Variants in NEK1 observed in about 807,000 individuals in gnomAD.
NEK1 encodes the protein NIMA related kinase 1.
Under a neutral mutation model 182.1 loss-of-function variants are expected in NEK1, and 137 were observed. The ratio of observed to expected loss-of-function variants is 0.75; its 90% CI spans 0.65 to 0.87. The LOEUF (loss-of-function observed/expected upper bound fraction) is 0.87, where lower values mean the gene tolerates loss of function less well. Among genes scored for constraint, NEK1 ranks in the 40% least tolerant of loss-of-function variants. The pLI, the probability that NEK1 is intolerant of heterozygous loss-of-function variation, is 0.00. For missense variants in NEK1, 1,391 were observed against 1,494.4 expected, an observed-to-expected ratio of 0.93 and a Z score of 1.14; for synonymous variants, 513 against 492.2, an observed-to-expected ratio of 1.04 and a Z score of -0.56.
At chr4:169,505,846 G>A (rs1405268139) in intron 23 of NEK1, among the ~76,000 whole-genome samples, 1 of 151,842 alleles carries the variant, frequency 6.6e-6, no homozygotes, top group African/African-American at 2.4e-5. Context: ...GCAATATTCT[G>A]TTAGGAAAAA....
chr4:169,569,242 T>G (rs1035620284), intron 12 of NEK1, among the ~76,000 whole-genome samples: 1 of 152,206 alleles, frequency 6.6e-6, no homozygotes, highest in Non-Finnish European at 1.5e-5. Context: ...TCCTTTTCAT[T>G]ACCTCAACCT....
rs577283128 is a variant in NEK1 at position 169,562,003 on chromosome 4, A to T, written c.1081-112T>A. On this transcript the variant is annotated intron_variant, in intron 13 of 35. Transcript: ENST00000507142. ...GTATGTTCAATGAGGTTTTTTTTTT[A>T]AAAAAAAAAAGAAGTTATAGGTATT... 4.5e-4 allele frequency: 424 copies of T among 950,902 alleles called. 1 individual carries two copies. The highest frequency in any genetic ancestry group is 1.0e-3 in the Middle Eastern group (3 of 2,894). 58.9% of individuals were successfully genotyped at this position (950,902 alleles called of 1,614,324 possible). A position where few individuals can be genotyped will look rare whatever the true frequency, so the allele number is the denominator to read the frequency against.
intron 26 of NEK1, among the ~76,000 whole-genome samples, chr4:169,468,272 C>T (rs1745297873): frequency 6.6e-6 from 1 of 151,440 alleles, no homozygotes; most frequent in Non-Finnish European, 1.5e-5. Context: ...AGAACAGGAA[C>T]ATTTAATCTA....
intron 5 of NEK1, among the ~76,000 whole-genome samples, chr4:169,594,902 C>G (rs1769177419): frequency 6.6e-6 from 1 of 152,182 alleles, no homozygotes; most frequent in African/African-American, 2.4e-5. Flanking sequence ...AAACATTCAT[C>G]AAGCCCTTAT....
At chr4:169,439,107 G>A (rs1407981640) in intron 27 of NEK1, among the ~76,000 whole-genome samples, 1 of 152,114 alleles carries the variant, frequency 6.6e-6, no homozygotes, top group African/African-American at 2.4e-5. Flanking sequence ...CCATAATATA[G>A]TCATTCTCTT....
intron 32 of NEK1, among the ~76,000 whole-genome samples, chr4:169,405,627 T>A (rs1732457450): frequency 6.6e-6 from 1 of 152,126 alleles, no homozygotes; most frequent in Non-Finnish European, 1.5e-5. Context: ...GCCAGTGCAC[T>A]CCAGCTTATT....
rs1204569422 is a variant in NEK1 at position 169,426,063 on chromosome 4, T to C, written c.2974+83A>G. 3 of 982,616 alleles carry C rather than the reference T, an allele frequency of 3.1e-6. No homozygotes were observed. In the African/African-American group the frequency reaches 4.8e-5, roughly 16 times the overall value. The allele number at this position is 982,616 out of a possible 1,614,324, so 60.9% of individuals were successfully genotyped here. A position where few individuals can be genotyped will look rare whatever the true frequency, so the allele number is the denominator to read the frequency against. ...CTGATAAGGAATGCTTTCTTATTTATATATTACCCAAATAAAACAGGTTGA... is the reference window on the plus strand; with the variant it reads ...CTGATAAGGAATGCTTTCTTATTTACATATTACCCAAATAAAACAGGTTGA... On this transcript the variant is annotated intron_variant, in intron 30 of 35. Transcript: ENST00000507142.
At position 169,599,110 on chromosome 4, in the gene NEK1, T is replaced by C; in HGVS notation, c.302A>G (p.Gln101Arg). The C allele has an allele frequency of 1.9e-6, 3 of 1,612,990 alleles. No individual in the cohort carries two copies. In the East Asian group the frequency reaches 6.7e-5, roughly 36 times the overall value. ...RINAQKGVLF[Q>R]EDQILDWFVQ... ...TAAATGCAAACTTACCTGATCCTCTTGAAACAAAACGCCTTTCTGAGCATT... is the reference window on the plus strand; with the variant it reads ...TAAATGCAAACTTACCTGATCCTCTCGAAACAAAACGCCTTTCTGAGCATT... Residue 101 changes from glutamine (Q) to arginine (R), a missense_variant, in exon 5 of 36, where the codon CAA becomes CGA. Physicochemically the swap from Gln to Arg is conservative, Grantham distance 43 (BLOSUM62 1). Coordinates refer to ENST00000507142, the MANE Select transcript of NEK1 (RefSeq NM_001199397.3).
At chr4:169,535,013 C>T (rs1195900090) in intron 19 of NEK1, among the ~76,000 whole-genome samples, 1 of 152,104 alleles carries the variant, frequency 6.6e-6, no homozygotes, top group East Asian at 1.9e-4. Flanking sequence ...TCCAAATCAA[C>T]TTTAACATAA....
chr4:169,412,223 C>T (rs768941663), intron 31 of NEK1, among the ~76,000 whole-genome samples: 15 of 152,146 alleles, frequency 9.9e-5, no homozygotes, highest in South Asian at 2.1e-4. Context: ...ACAAATTCAT[C>T]CTGTATCCAC....
At position 169,496,861 on chromosome 4, in the gene NEK1, TTC is replaced by T. The variant is rs1751409483; in HGVS notation, c.2007+10174_2007+10175del. Among the ~76,000 whole-genome samples, 2 of 152,316 alleles carry T rather than the reference TTC, an allele frequency of 1.3e-5. 1 individual carries two copies. The highest frequency in any genetic ancestry group is 3.9e-4 in the East Asian group (2 of 5,190). ...GTTCATCAGGGATATTGGTCTAAAA[TTC>T]TCTTTTTTTGTTGTGTCTCTGCCAG... is the stretch of plus-strand genomic sequence containing the variant. On this transcript the variant is annotated intron_variant, in intron 23 of 35. Coordinates refer to ENST00000507142, the MANE Select transcript of NEK1 (RefSeq NM_001199397.3).
At chr4:169,569,737 G>A (rs891573496) in intron 12 of NEK1, among the ~76,000 whole-genome samples, 2 of 151,764 alleles carry the variant, frequency 1.3e-5, no homozygotes, top group African/African-American at 2.4e-5. Context: ...CGAGTGATCC[G>A]CCAGCCTCGG....
chr4:169,600,890 G>A (rs902841061), intron 4 of NEK1, among the ~76,000 whole-genome samples: 13 of 152,152 alleles, frequency 8.5e-5, no homozygotes, highest in Non-Finnish European at 1.8e-4. Context: ...TCACACAGAT[G>A]TTTCTATGTG....
intron 35 of NEK1, 76 bp from the exon 36 acceptor site, chr4:169,394,599 A>G (rs1195254975): frequency 3.6e-6 from 3 of 832,738 alleles, no homozygotes; most frequent in Non-Finnish European, 5.7e-6. Flanking sequence ...ATTCTTGTTC[A>G]TGCTAAAGGA....
chr4:169,570,941 G>A (rs1478251213), intron 12 of NEK1, among the ~76,000 whole-genome samples: 18 of 152,082 alleles, frequency 1.2e-4, no homozygotes, highest in African/African-American at 4.3e-4. Context: ...GATTAAGGGC[G>A]GTGCAAGATG....
At chr4:169,572,749 CAAG>C (rs1459538035) in intron 12 of NEK1, among the ~76,000 whole-genome samples, 1 of 151,934 alleles carries the variant, frequency 6.6e-6, no homozygotes, top group Non-Finnish European at 1.5e-5. Flanking sequence ...GAAAATATTT[CAAG>C]AAGGAGGGGG....
chr4:169,409,390 C>T (rs1241995446), intron 31 of NEK1, among the ~76,000 whole-genome samples: 4 of 152,004 alleles, frequency 2.6e-5, no homozygotes, highest in African/African-American at 4.8e-5. Flanking sequence ...ATGATCTGCC[C>T]GTCTTGGCCT....
chr4:169,398,967 G>A (rs1321117864), intron 35 of NEK1, among the ~76,000 whole-genome samples: 1 of 152,082 alleles, frequency 6.6e-6, no homozygotes, highest in Admixed American at 6.6e-5. Context: ...TACAAGTTTT[G>A]CCAGGTGCAG....
intron 29 of NEK1, among the ~76,000 whole-genome samples, chr4:169,431,522 AG>A (rs572112941): frequency 0.017 from 497 of 28,950 alleles, 1 homozygote; most frequent in Non-Finnish European, 0.025. Flanking sequence ...TACTGTAGAC[AG>A]ACTAATAGGA....
Sources: allele counts gnomAD v4.1 joint callset (sites outside exome capture counted in the v4.1 genomes callset), GRCh38; gene constraint gnomAD v4.1.1; transcripts MANE v1.5; gene names NCBI Gene and HGNC (gene_info 2026-07-23, HGNC 2026-07-21).